Variants in LPP observed in about 807,000 individuals in gnomAD.
The protein encoded by LPP is lipoma-preferred partner.
Under a neutral mutation model 60.4 loss-of-function variants are expected in LPP, and 38 were observed. The observed-to-expected ratio is 0.63, with a 90% CI of 0.49 to 0.83. LPP has a LOEUF of 0.83. Ranked by LOEUF, LPP falls within the 40% of genes least tolerant of loss-of-function variation. LPP has a pLI of 0.00. For missense variants in LPP, 902 were observed against 783.6 expected, an observed-to-expected ratio of 1.15 and a Z score of -1.80; for synonymous variants, 328 against 290.8, an observed-to-expected ratio of 1.13 and a Z score of -1.30.
At chr3:188,329,724 CAT>C (rs1304252710) in intron 2 of LPP, among the ~76,000 whole-genome samples, 1 of 152,178 alleles carries the variant, frequency 6.6e-6, no homozygotes, top group Non-Finnish European at 1.5e-5. Context: ...GGTAACCACT[CAT>C]GCCTTTTTAA....
At chr3:188,754,280 A>G (rs2150374634) in intron 8 of LPP, among the ~76,000 whole-genome samples, 1 of 152,320 alleles carries the variant, frequency 6.6e-6, no homozygotes, top group South Asian at 2.1e-4. Context: ...AATTTAGCTG[A>G]TTCTGCTCAT....
At chr3:188,724,072 T>C (rs969984088) in intron 8 of LPP, among the ~76,000 whole-genome samples, 4 of 152,200 alleles carry the variant, frequency 2.6e-5, no homozygotes, top group Admixed American at 1.3e-4. Flanking sequence ...ATGATTCTGC[T>C]TAAAATAAGA....
chr3:188,358,849 C>T (rs993912004), intron 3 of LPP, among the ~76,000 whole-genome samples: 14 of 152,144 alleles, frequency 9.2e-5, no homozygotes, highest in Non-Finnish European at 1.9e-4. Flanking sequence ...TTTTTTGATG[C>T]ATTGTCCGCA....
intron 7 of LPP, among the ~76,000 whole-genome samples, chr3:188,700,744 C>T (rs938911682): frequency 6.6e-6 from 1 of 152,102 alleles, no homozygotes; most frequent in Admixed American, 6.5e-5. Context: ...TGGCTTAAGT[C>T]CTCTCATAAA....
At chr3:188,666,250 C>T (rs1485019042) in intron 7 of LPP, among the ~76,000 whole-genome samples, 2 of 152,150 alleles carry the variant, frequency 1.3e-5, no homozygotes, top group Non-Finnish European at 2.9e-5. Flanking sequence ...AGTCAAGTGA[C>T]CTCAGAAGCT....
At chr3:188,765,861 CTTTTTTTTTTTTTTTT>C (rs71169019) in intron 9 of LPP, among the ~76,000 whole-genome samples, 2 of 92,618 alleles carry the variant, frequency 2.2e-5, no homozygotes, top group Non-Finnish European at 4.0e-5. Flanking sequence ...ATGTTCAACT[CTTTTTTTTTTTTTTTT>C]TTTTTTTTTT....
intron 6 of LPP, among the ~76,000 whole-genome samples, chr3:188,601,497 A>G (rs1022334126): frequency 1.3e-5 from 2 of 152,198 alleles, no homozygotes; most frequent in African/African-American, 4.8e-5. Context: ...TTATATAATC[A>G]GTTTTCCTTC....
chr3:188,560,066 T>C (rs975083731), intron 6 of LPP, among the ~76,000 whole-genome samples: 2 of 152,226 alleles, frequency 1.3e-5, no homozygotes, highest in Non-Finnish European at 2.9e-5. Context: ...AGGAGGATAT[T>C]TCACTTCTCC....
chr3:188,269,829 G>T (rs1737062950), intron 2 of LPP, among the ~76,000 whole-genome samples: 1 of 152,088 alleles, frequency 6.6e-6, no homozygotes, highest in Non-Finnish European at 1.5e-5. Flanking sequence ...TGTATTTTTA[G>T]TAGAGACGAG....
intron 2 of LPP, among the ~76,000 whole-genome samples, chr3:188,282,906 C>T (rs1366248307): frequency 6.6e-6 from 1 of 152,170 alleles, no homozygotes; most frequent in Non-Finnish European, 1.5e-5. Context: ...GGGCAGACAT[C>T]TCTGATCCTT....
intron 1 of LPP, among the ~76,000 whole-genome samples, chr3:188,195,632 G>A (rs539565117): frequency 3.0e-4 from 45 of 152,182 alleles, no homozygotes; most frequent in Admixed American, 4.6e-4. Context: ...GAGATGTGCC[G>A]TTAAGTATAA....
chr3:188,650,760 T>C (rs1017125263), intron 7 of LPP, among the ~76,000 whole-genome samples: 1 of 152,206 alleles, frequency 6.6e-6, no homozygotes, highest in African/African-American at 2.4e-5. Context: ...GTATTATATG[T>C]CCAGAAAAAA....
chr3:188,320,406 C>A lies in LPP; in HGVS notation c.-66-21257C>A, dbSNP rs372521971. ...CCTGCAGTCTCAACTCTGGGGTCCC[C>A]TCAGTGGTGAGCTCAGTCACAGTGC... On this transcript the variant is annotated intron_variant, in intron 2 of 11. Transcript: ENST00000617246. 2.6e-3 allele frequency among the ~76,000 whole-genome samples: 394 copies of A among 152,292 alleles called. 4 individuals carry two copies. The highest frequency in any genetic ancestry group is 9.1e-3 in the African/African-American group (379 of 41,546).
rs527997304 is a variant in LPP at position 188,779,431 on chromosome 3, C to A, written c.1410+19149C>A. 7.2e-5 allele frequency among the ~76,000 whole-genome samples: 11 copies of A among 152,228 alleles called. No homozygotes were observed. The East Asian group carries it at 2.1e-3, about 29-fold the overall frequency. ...GCTCACTGAATAGCACACGCAAGGA[C>A]CCTTCAAACTCATCACATGTGCCGT... On this transcript the variant is annotated intron_variant, in intron 9 of 11. Coordinates refer to ENST00000617246, the MANE Select transcript of LPP (RefSeq NM_001375462.1).
intron 7 of LPP, among the ~76,000 whole-genome samples, chr3:188,663,801 C>A (rs546708726): frequency 6.3e-4 from 96 of 152,286 alleles, no homozygotes; most frequent in Admixed American, 2.5e-3. Flanking sequence ...TCTTCCACCT[C>A]AGATTATCGG....
At chr3:188,394,551 A>AGTGTGTGTGT (rs1209092729) in intron 3 of LPP, among the ~76,000 whole-genome samples, 9,705 of 146,828 alleles carry the variant, frequency 0.066, 400 homozygotes, top group African/African-American at 0.12. Context: ...AAATATCTAA[A>AGTGTGTGTGT]GTGTGTGTGT....
At chr3:188,823,268 G>C (rs1021819597) in intron 9 of LPP, among the ~76,000 whole-genome samples, 1 of 152,188 alleles carries the variant, frequency 6.6e-6, no homozygotes, top group African/African-American at 2.4e-5. Flanking sequence ...TTTGTCATTT[G>C]AAGGATCTCC....
intron 2 of LPP, among the ~76,000 whole-genome samples, chr3:188,271,737 T>C (rs560266971): frequency 6.6e-5 from 10 of 152,204 alleles, no homozygotes; most frequent in Non-Finnish European, 1.5e-4. Context: ...AGTTGTCCTC[T>C]TCCCTTTCTC....
chr3:188,851,488 G>A (rs1046949331), intron 9 of LPP, among the ~76,000 whole-genome samples: 1 of 152,196 alleles, frequency 6.6e-6, no homozygotes, highest in Non-Finnish European at 1.5e-5. Context: ...TATGGAGGAG[G>A]AAAGTCTATT....
Sources: gnomAD v4.1 joint callset for allele counts (sites outside exome capture counted in the v4.1 genomes callset) on GRCh38, gnomAD v4.1.1 for gene constraint, MANE v1.5 for transcripts, NCBI Gene and HGNC (gene_info 2026-07-23, HGNC 2026-07-21) for gene names.